The following TENM3 variants were observed in gnomAD, a reference collection of about 807,000 sequenced individuals.
TENM3 encodes teneurin-3.
Under a neutral mutation model 255.1 loss-of-function variants are expected in TENM3, and 63 were observed. The ratio of observed to expected loss-of-function variants is 0.25; its 90% CI spans 0.20 to 0.30. The LOEUF (loss-of-function observed/expected upper bound fraction) is 0.30, where lower values mean the gene tolerates loss of function less well. Among genes scored for constraint, TENM3 ranks in the 10% least tolerant of loss-of-function variants. TENM3 has a pLI of 1.00. For missense variants in TENM3, 2,929 were observed against 3,461.1 expected, an observed-to-expected ratio of 0.85 and a Z score of 3.86; for synonymous variants, 1,306 against 1,322.3, an observed-to-expected ratio of 0.99 and a Z score of 0.27.
the TENM3 span, among the ~76,000 whole-genome samples, chr4:181,780,906 A>G: frequency 6.6e-6 from 1 of 152,102 alleles, no homozygotes. Flanking sequence ...TGTTTTTCTC[A>G]GGTTTGTCAA....
At chr4:182,038,857 C>T in the TENM3 span, among the ~76,000 whole-genome samples, 1 of 152,068 alleles carries the variant, frequency 6.6e-6, no homozygotes, top group Admixed American at 6.6e-5. Flanking sequence ...CCTCAGGCTC[C>T]CGAGTAGCTG....
chr4:182,501,597 C>T (rs1736333269), intron 3 of TENM3, among the ~76,000 whole-genome samples: 2 of 152,174 alleles, frequency 1.3e-5, no homozygotes, highest in South Asian at 4.2e-4. Context: ...TTTCCTTATC[C>T]AGAAGCAACT....
chr4:182,243,394 C>CA (rs1259942663), upstream of TENM3: 3 of 152,428 alleles, frequency 2.0e-5, no homozygotes, highest in Non-Finnish European at 2.9e-5. Context: ...TGATTACAGG[C>CA]ATGAGCCATC....
the TENM3 span, among the ~76,000 whole-genome samples, chr4:181,677,105 T>C: frequency 6.6e-6 from 1 of 151,996 alleles, no homozygotes; most frequent in Admixed American, 6.6e-5. Context: ...AACTTCATTT[T>C]AATATTGTTT....
chr4:182,258,822 T>C (rs1360699100), intron 1 of TENM3, among the ~76,000 whole-genome samples: 2 of 152,186 alleles, frequency 1.3e-5, no homozygotes, highest in African/African-American at 4.8e-5. Flanking sequence ...TCCTCTCCTC[T>C]TCTCATCCAG....
At chr4:182,071,154 T>C in the TENM3 span, among the ~76,000 whole-genome samples, 2 of 152,224 alleles carry the variant, frequency 1.3e-5, no homozygotes, top group Non-Finnish European at 2.9e-5. Context: ...TTCAAGACTA[T>C]GGATATATTC....
chr4:181,558,425 A>G, the TENM3 span, among the ~76,000 whole-genome samples: 1 of 152,368 alleles, frequency 6.6e-6, no homozygotes, highest in East Asian at 1.9e-4. Context: ...CAGCTCTGCT[A>G]AAATACAAAT....
the TENM3 span, among the ~76,000 whole-genome samples, chr4:181,878,799 C>A: frequency 1.3e-5 from 2 of 152,206 alleles, no homozygotes; most frequent in Admixed American, 1.3e-4. Context: ...ACCTACCTGT[C>A]TATCTACCTA....
chr4:182,421,377 C>T (rs186271713), intron 3 of TENM3, among the ~76,000 whole-genome samples: 145 of 152,242 alleles, frequency 9.5e-4, no homozygotes, highest in Middle Eastern at 3.4e-3. Flanking sequence ...TAACCACAGC[C>T]CTGACAATAT....
chr4:181,738,601 C>T, the TENM3 span, among the ~76,000 whole-genome samples: 1 of 152,108 alleles, frequency 6.6e-6, no homozygotes. Context: ...TTTGATTGTT[C>T]GTAGCATTTC....
At chr4:181,646,331 A>T in the TENM3 span, among the ~76,000 whole-genome samples, 5 of 152,332 alleles carry the variant, frequency 3.3e-5, no homozygotes, top group East Asian at 9.7e-4. Context: ...AAAAGACAGG[A>T]TTATTGGGTC....
chr4:182,482,170 A>G (rs889360519), intron 3 of TENM3, among the ~76,000 whole-genome samples: 9 of 152,204 alleles, frequency 5.9e-5, no homozygotes, highest in Non-Finnish European at 1.3e-4. Context: ...AGTGATTTTC[A>G]TTGAGACATG....
chr4:181,562,638 G>A, the TENM3 span, among the ~76,000 whole-genome samples: 1 of 151,598 alleles, frequency 6.6e-6, no homozygotes. Context: ...AGCCTGTGAT[G>A]GCAGGAAAAG....
At chr4:181,496,853 T>C in the TENM3 span, among the ~76,000 whole-genome samples, 5 of 152,328 alleles carry the variant, frequency 3.3e-5, no homozygotes, top group South Asian at 1.0e-3. Flanking sequence ...TTATATTAAT[T>C]GTATCTGGAT....
chr4:181,966,991 C>A, the TENM3 span, among the ~76,000 whole-genome samples: 5 of 150,734 alleles, frequency 3.3e-5, no homozygotes, highest in South Asian at 2.1e-4. Flanking sequence ...CACACCATAT[C>A]TCTCTCTCTC....
chr4:182,773,189 G>A (rs548207127), intron 22 of TENM3, among the ~76,000 whole-genome samples: 1 of 152,320 alleles, frequency 6.6e-6, no homozygotes, highest in South Asian at 2.1e-4. Flanking sequence ...CTTTGAAACA[G>A]CAAATTAGAT....
intron 1 of TENM3, among the ~76,000 whole-genome samples, chr4:182,192,193 T>C (rs569691429): frequency 6.6e-6 from 1 of 152,324 alleles, no homozygotes; most frequent in African/African-American, 2.4e-5. Flanking sequence ...GCTGCTTTCA[T>C]GCCAGAGACA....
the TENM3 span, among the ~76,000 whole-genome samples, chr4:182,051,480 C>T: frequency 1.4e-4 from 21 of 151,476 alleles, no homozygotes; most frequent in African/African-American, 5.1e-4. Context: ...TGGGTTCACG[C>T]CATTCTCCTG....
At chr4:182,064,342 G>C in the TENM3 span, among the ~76,000 whole-genome samples, 1 of 152,142 alleles carries the variant, frequency 6.6e-6, no homozygotes, top group Admixed American at 6.5e-5. Flanking sequence ...ACTTTGGGAG[G>C]CTGAGAAGGG....
Sources: allele counts gnomAD v4.1 joint callset (sites outside exome capture counted in the v4.1 genomes callset), GRCh38; gene constraint gnomAD v4.1.1; transcripts MANE v1.5; gene names NCBI Gene and HGNC (gene_info 2026-07-23, HGNC 2026-07-21).